Variants in HYCC1 observed in about 807,000 individuals in gnomAD.
HYCC1 encodes the protein hyccin.
At chr7:22,929,775 T>G in the HYCC1 span, among the ~76,000 whole-genome samples, 155 of 152,278 alleles carry the variant, frequency 1.0e-3, 1 homozygote, top group Non-Finnish European at 1.4e-3. Flanking sequence ...ATTGTGGAAG[T>G]CAGTGTGGCG....
the HYCC1 span, chr7:22,976,871 A>AAT: frequency 2.9e-5 from 26 of 902,922 alleles, no homozygotes; most frequent in South Asian, 2.7e-4. Context: ...TGATATATAG[A>AAT]ATATATATAT....
At chr7:23,007,807 AT>A in the HYCC1 span, among the ~76,000 whole-genome samples, 545 of 152,206 alleles carry the variant, frequency 3.6e-3, 6 homozygotes, top group Non-Finnish European at 4.0e-3. Context: ...ATCTAACACA[AT>A]TCATCAACCA....
chr7:23,006,568 A>G, the HYCC1 span, among the ~76,000 whole-genome samples: 1 of 152,186 alleles, frequency 6.6e-6, no homozygotes, highest in African/African-American at 2.4e-5. Flanking sequence ...CACCCGGCCA[A>G]TTTAAGCACT....
At chr7:23,002,016 T>C in the HYCC1 span, among the ~76,000 whole-genome samples, 1 of 151,478 alleles carries the variant, frequency 6.6e-6, no homozygotes, top group Non-Finnish European at 1.5e-5. Flanking sequence ...TTTGCTTTTG[T>C]ATATGTTTGA....
At chr7:22,951,377 G>T in the HYCC1 span, among the ~76,000 whole-genome samples, 9 of 151,700 alleles carry the variant, frequency 5.9e-5, no homozygotes, top group Non-Finnish European at 1.3e-4. Context: ...AAGGCATCTG[G>T]CTCTGACATG....
At chr7:22,945,490 C>T in the HYCC1 span, 62 of 875,846 alleles carry the variant, frequency 7.1e-5, no homozygotes, top group African/African-American at 9.4e-4. Context: ...CATCAGGGCT[C>T]CTGTCAGGAA....
the HYCC1 span, among the ~76,000 whole-genome samples, chr7:22,975,386 A>G: frequency 6.6e-6 from 1 of 152,336 alleles, no homozygotes; most frequent in Non-Finnish European, 1.5e-5. Flanking sequence ...ACATACTATC[A>G]TTAACTACTC....
the HYCC1 span, among the ~76,000 whole-genome samples, chr7:22,983,521 T>C: frequency 1.3e-5 from 2 of 152,318 alleles, no homozygotes; most frequent in African/African-American, 2.4e-5. Flanking sequence ...GGAAAACTTG[T>C]GCTTATCCGT....
chr7:22,938,675 C>G, the HYCC1 span: 2 of 152,218 alleles, frequency 1.3e-5, no homozygotes, highest in East Asian at 3.9e-4. Flanking sequence ...TTTAGGTAGG[C>G]CTCATTTAAA....
chr7:22,976,666 A>G, the HYCC1 span: 4 of 1,340,896 alleles, frequency 3.0e-6, no homozygotes, highest in Middle Eastern at 3.6e-4. Flanking sequence ...GTGGATTAAG[A>G]TAAGAATTTT....
chr7:22,948,425 A>C, the HYCC1 span, among the ~76,000 whole-genome samples: 481 of 152,204 alleles, frequency 3.2e-3, 1 homozygote, highest in Non-Finnish European at 5.7e-3. Flanking sequence ...TCACCTGAGC[A>C]TCTTTAAAAA....
the HYCC1 span, among the ~76,000 whole-genome samples, chr7:22,911,081 G>A: frequency 1.3e-5 from 2 of 152,176 alleles, no homozygotes; most frequent in African/African-American, 4.8e-5. Context: ...ACTATGTAAA[G>A]TGCTCATTTA....
the HYCC1 span, among the ~76,000 whole-genome samples, chr7:22,898,741 T>A: frequency 6.6e-6 from 1 of 151,878 alleles, no homozygotes; most frequent in African/African-American, 2.4e-5. Flanking sequence ...TAGCTGGGAC[T>A]ACAGGCGCCC....
At chr7:23,008,814 A>ACCAT in the HYCC1 span, among the ~76,000 whole-genome samples, 1 of 152,034 alleles carries the variant, frequency 6.6e-6, no homozygotes, top group East Asian at 1.9e-4. Context: ...AAATAACTGA[A>ACCAT]CCATCACTCT....
the HYCC1 span, among the ~76,000 whole-genome samples, chr7:23,003,871 C>T: frequency 6.6e-6 from 1 of 151,956 alleles, no homozygotes; most frequent in African/African-American, 2.4e-5. Flanking sequence ...GCTAATAGGG[C>T]CATAATAATA....
At chr7:22,916,511 T>C in the HYCC1 span, among the ~76,000 whole-genome samples, 38,398 of 152,068 alleles carry the variant, frequency 0.25, 5,018 homozygotes, top group East Asian at 0.48. Flanking sequence ...TCAAAATTCT[T>C]ACACAAGAGC....
the HYCC1 span, chr7:22,983,999 T>C: frequency 1.2e-6 from 2 of 1,609,412 alleles, no homozygotes; most frequent in Non-Finnish European, 1.7e-6. Flanking sequence ...AGAACTCTTG[T>C]CTTTCAAATT....
At chr7:22,995,894 C>T in the HYCC1 span, among the ~76,000 whole-genome samples, 9 of 152,292 alleles carry the variant, frequency 5.9e-5, no homozygotes, top group East Asian at 1.2e-3. Context: ...AACATCAACA[C>T]GACGTCATGT....
the HYCC1 span, chr7:22,937,099 T>C: frequency 6.6e-6 from 1 of 152,218 alleles, no homozygotes; most frequent in Non-Finnish European, 1.5e-5. Context: ...GTGGTGATGC[T>C]CTTCCAGAGG....
Sources: gnomAD v4.1 joint callset for allele counts (sites outside exome capture counted in the v4.1 genomes callset) on GRCh38, gnomAD v4.1.1 for gene constraint, MANE v1.5 for transcripts, NCBI Gene and HGNC (gene_info 2026-07-23, HGNC 2026-07-21) for gene names.